The following NEDD4 variants were observed in gnomAD, a reference collection of about 807,000 sequenced individuals.
NEDD4 encodes NEDD4 E3 ubiquitin protein ligase, also known as E3 ubiquitin-protein ligase NEDD4.
A neutral mutation model predicts 144.9 loss-of-function variants in NEDD4; 99 were observed. The observed-to-expected ratio is 0.68, with a 90% confidence interval of 0.58 to 0.81. NEDD4 has a LOEUF of 0.81. NEDD4 is among the 30% of genes least tolerant of loss of function. The pLI is 0.00. For synonymous variants in NEDD4, 318 were observed against 350.6 expected, an observed-to-expected ratio of 0.91 and a Z score of 1.04; for missense variants, 985 against 1,065.9, an observed-to-expected ratio of 0.92 and a Z score of 1.06.
chr15:55,869,410 C>T (rs1488399106), intron 8 of NEDD4, among the ~76,000 whole-genome samples, 169 bp downstream of exon 8: 1 of 152,160 alleles, frequency 6.6e-6, no homozygotes, highest in Non-Finnish European at 1.5e-5. Flanking sequence ...ATTCCTTCTA[C>T]GGAAATATCC....
At chr15:55,864,504 A>C (rs1386403203) in intron 8 of NEDD4, among the ~76,000 whole-genome samples, 1 of 152,082 alleles carries the variant, frequency 6.6e-6, no homozygotes, top group African/African-American at 2.4e-5. Flanking sequence ...CAACATGGAG[A>C]AACCCCATCT....
At chr15:55,906,571 G>T (rs2036102509) in intron 5 of NEDD4, among the ~76,000 whole-genome samples, 1 of 145,304 alleles carries the variant, frequency 6.9e-6, no homozygotes, top group African/African-American at 2.5e-5. Context: ...TCATAGGTGG[G>T]AACTGAACAA....
intron 5 of NEDD4, chr15:55,916,233 G>C (rs1212407536): frequency 3.1e-6 from 5 of 1,613,854 alleles, no homozygotes; most frequent in Admixed American, 1.7e-5. Context: ...ACCCAAAAAA[G>C]TATCATCACT....
At chr15:55,926,134 T>A (rs547820836) in intron 4 of NEDD4, among the ~76,000 whole-genome samples, 20 of 152,156 alleles carry the variant, frequency 1.3e-4, no homozygotes, top group Non-Finnish European at 2.6e-4. Context: ...CAAACCCAGA[T>A]AAAGATATTG....
At chr15:55,985,598 C>A (rs1405031733) in intron 1 of NEDD4, among the ~76,000 whole-genome samples, 1 of 152,022 alleles carries the variant, frequency 6.6e-6, no homozygotes, top group African/African-American at 2.4e-5. Context: ...AATTTTTTCA[C>A]TGTTAGAAAA....
chr15:55,934,900 AC>A (rs1172546634), intron 4 of NEDD4: 3 of 101,878 alleles, frequency 2.9e-5, no homozygotes, highest in Middle Eastern at 0.011. Context: ...ATGGAGTCTC[AC>A]TCTATTGCCC....
At chr15:55,875,101 A>G (rs1419221293) in intron 5 of NEDD4, among the ~76,000 whole-genome samples, 1 of 152,116 alleles carries the variant, frequency 6.6e-6, no homozygotes, top group Non-Finnish European at 1.5e-5. Flanking sequence ...AGAAATAAAA[A>G]AAAAAACCCA....
At chr15:55,890,602 T>A (rs2035540314) in intron 5 of NEDD4, among the ~76,000 whole-genome samples, 1 of 152,362 alleles carries the variant, frequency 6.6e-6, no homozygotes, top group Admixed American at 6.5e-5. Flanking sequence ...TTGGGTTGTT[T>A]CAACTGTTTG....
intron 5 of NEDD4, chr15:55,917,141 C>G: frequency 9.1e-7 from 1 of 1,103,894 alleles, no homozygotes; most frequent in South Asian, 3.8e-5. Flanking sequence ...CACACTGACT[C>G]AAACACAGCC....
intron 4 of NEDD4, among the ~76,000 whole-genome samples, chr15:55,930,068 G>T (rs77410538): frequency 0.14 from 21,754 of 152,136 alleles, 2,045 homozygotes; most frequent in Non-Finnish European, 0.21. Flanking sequence ...GTCAGTGAAA[G>T]AATTAACCCC....
intron 1 of NEDD4, among the ~76,000 whole-genome samples, chr15:55,988,487 T>TAAAAAAAAAAAAAAAAAAAAAAAAAAA (rs56688563): frequency 4.9e-5 from 5 of 101,712 alleles, no homozygotes; most frequent in Non-Finnish European, 7.4e-5. Flanking sequence ...AAAAAAAAAT[T>TAAAAAAAAAAAAAAAAAAAAAAAAAAA]AAAAAAAAAA....
chr15:55,985,280 A>G (rs1206727410), intron 1 of NEDD4, among the ~76,000 whole-genome samples: 13 of 152,254 alleles, frequency 8.5e-5, no homozygotes, highest in African/African-American at 3.1e-4. Context: ...AGGCCACTAC[A>G]GAAAATGTCT....
At chr15:55,886,156 A>G (rs886363656) in intron 5 of NEDD4, among the ~76,000 whole-genome samples, 5 of 152,258 alleles carry the variant, frequency 3.3e-5, no homozygotes, top group East Asian at 1.9e-4. Flanking sequence ...TATAACAATT[A>G]TAAGTCTATA....
rs139634497 is a variant in NEDD4 at position 55,940,410 on chromosome 15, T to A, written c.237+10966A>T. On this transcript the variant is annotated intron_variant, in intron 4 of 28. Transcript: ENST00000435532. Reference sequence around the variant, plus strand: ...TTTTCTATATGAACTATACCCCCAATAAATCAGTTAAAATTTTGTTTAAAT... The same window carrying A: ...TTTTCTATATGAACTATACCCCCAAAAAATCAGTTAAAATTTTGTTTAAAT... Among the ~76,000 whole-genome samples the A allele has an allele frequency of 4.3e-3, 653 of 152,254 alleles. 11 individuals carry two copies. Among genetic ancestry groups the A allele is most frequent in the Admixed American group, 4.2e-3 (64 of 15,294 alleles).
chr15:55,975,891 T>TA (rs2037690670), intron 1 of NEDD4, among the ~76,000 whole-genome samples: 1 of 152,174 alleles, frequency 6.6e-6, no homozygotes, highest in Admixed American at 6.5e-5. Flanking sequence ...ACTACAGAGT[T>TA]ATAGTATCCA....
At chr15:55,833,129 AG>A in intron 26 of NEDD4, 25 bp from the exon 27 acceptor site, 1 of 1,464,048 alleles carries the variant, frequency 6.8e-7, no homozygotes. Flanking sequence ...AACATCATTT[AG>A]GGAACAGCAC....
At chr15:55,974,360 C>T (rs148464498) in intron 1 of NEDD4, among the ~76,000 whole-genome samples, 74 of 152,266 alleles carry the variant, frequency 4.9e-4, no homozygotes, top group African/African-American at 1.7e-3. Context: ...TAATACCAAT[C>T]CTACTCAAAC....
chr15:55,902,581 A>G (rs1327532289), intron 5 of NEDD4, among the ~76,000 whole-genome samples: 1 of 152,206 alleles, frequency 6.6e-6, no homozygotes, highest in Non-Finnish European at 1.5e-5. Flanking sequence ...AGGCATACAT[A>G]GGGGTTCACT....
intron 4 of NEDD4, among the ~76,000 whole-genome samples, chr15:55,933,132 A>C (rs916813227): frequency 2.6e-5 from 4 of 152,152 alleles, no homozygotes; most frequent in East Asian, 1.9e-4. Flanking sequence ...CGATTCCTCA[A>C]GGATCTAGAA....
Sources: gnomAD v4.1 joint callset for allele counts (sites outside exome capture counted in the v4.1 genomes callset) on GRCh38, gnomAD v4.1.1 for gene constraint, MANE v1.5 for transcripts, NCBI Gene and HGNC (gene_info 2026-07-23, HGNC 2026-07-21) for gene names.